SDK1: variants seen among roughly 807,000 people sequenced by gnomAD.
SDK1 encodes sidekick cell adhesion molecule 1.
Under a neutral mutation model 245.5 loss-of-function variants are expected in SDK1, and 157 were observed. The ratio of observed to expected loss-of-function variants is 0.64; its 90% CI spans 0.56 to 0.73. The LOEUF (loss-of-function observed/expected upper bound fraction) is 0.73. Among genes scored for constraint, SDK1 ranks in the 30% least tolerant of loss-of-function variants. The pLI, the probability that SDK1 is intolerant of heterozygous loss-of-function variation, is 0.00. For synonymous variants in SDK1, 1,647 were observed against 1,278.5 expected (o/e 1.29, Z -6.15); for missense variants, 3,583 against 3,002.3 (o/e 1.19, Z -4.52).
intron 1 of SDK1, among the ~76,000 whole-genome samples, chr7:3,613,845 G>C (rs531042097): frequency 2.0e-4 from 30 of 152,236 alleles, no homozygotes; most frequent in African/African-American, 6.7e-4. Context: ...TGGAGCTGGA[G>C]GCCATCATTA....
chr7:3,535,232 C>A (rs1245008352), intron 1 of SDK1, among the ~76,000 whole-genome samples: 2 of 152,090 alleles, frequency 1.3e-5, no homozygotes, highest in African/African-American at 2.4e-5. Flanking sequence ...GCCAAGATCA[C>A]ATCATTGCAC....
At chr7:3,313,385 G>A (rs530383819) in intron 1 of SDK1, among the ~76,000 whole-genome samples, 1 of 152,132 alleles carries the variant, frequency 6.6e-6, no homozygotes, top group Non-Finnish European at 1.5e-5. Context: ...CCAGCCTGGC[G>A]ACGGAGCGAG....
At chr7:3,544,257 A>G (rs1562552525) in intron 1 of SDK1, among the ~76,000 whole-genome samples, 3 of 152,240 alleles carry the variant, frequency 2.0e-5, no homozygotes, top group South Asian at 4.1e-4. Context: ...ACAGTTTATA[A>G]CTGCCAGAAT....
At chr7:3,640,639 G>C (rs556984555) in intron 3 of SDK1, among the ~76,000 whole-genome samples, 1 of 152,032 alleles carries the variant, frequency 6.6e-6, no homozygotes, top group Non-Finnish European at 1.5e-5. Context: ...ACTGAATTTT[G>C]CTTAATTATG....
At chr7:3,971,245 T>G (rs543569021) in intron 11 of SDK1, among the ~76,000 whole-genome samples, 2 of 152,200 alleles carry the variant, frequency 1.3e-5, no homozygotes, top group East Asian at 1.9e-4. Flanking sequence ...AAAGCTGATT[T>G]AGGAGGGGTG....
At chr7:3,668,275 C>T (rs1783597008) in intron 4 of SDK1, among the ~76,000 whole-genome samples, 1 of 152,136 alleles carries the variant, frequency 6.6e-6, no homozygotes, top group Admixed American at 6.5e-5. Context: ...AGGGTGGTTC[C>T]ACTGATGGCA....
At chr7:4,178,627 C>A (rs201151347) in intron 35 of SDK1, 41 bp downstream of exon 35, 1 of 1,445,464 alleles carries the variant, frequency 6.9e-7, no homozygotes, top group Non-Finnish European at 9.7e-7. Flanking sequence ...CAGAGAGGGC[C>A]ACAGTGGTGG....
intron 17 of SDK1, among the ~76,000 whole-genome samples, chr7:4,047,404 G>T (rs946957368): frequency 7.7e-6 from 1 of 129,078 alleles, no homozygotes; most frequent in Non-Finnish European, 1.5e-5. Flanking sequence ...CTAATATTTT[G>T]TTGAGGATTT....
At chr7:3,847,789 C>T (rs566744099) in intron 5 of SDK1, among the ~76,000 whole-genome samples, 53 of 152,310 alleles carry the variant, frequency 3.5e-4, no homozygotes, top group East Asian at 2.9e-3. Context: ...TGACATCATT[C>T]TTCTGAATGG....
intron 4 of SDK1, among the ~76,000 whole-genome samples, chr7:3,652,278 G>T (rs1002529524): frequency 4.6e-5 from 7 of 152,180 alleles, no homozygotes; most frequent in Non-Finnish European, 1.5e-5. Context: ...TGTATTAATG[G>T]AAGTTCTCCA....
intron 4 of SDK1, among the ~76,000 whole-genome samples, chr7:3,795,707 A>G (rs1271645497): frequency 1.3e-5 from 2 of 152,130 alleles, no homozygotes; most frequent in African/African-American, 4.8e-5. Context: ...ACCTGACTTA[A>G]AATGTGCCCT....
intron 19 of SDK1, among the ~76,000 whole-genome samples, chr7:4,054,192 C>T (rs528161952): frequency 6.6e-6 from 1 of 152,288 alleles, no homozygotes; most frequent in African/African-American, 2.4e-5. Context: ...CCGCACACCT[C>T]AGCCTCCCAA....
At chr7:3,545,184 G>T (rs1296745096) in intron 1 of SDK1, among the ~76,000 whole-genome samples, 2 of 152,042 alleles carry the variant, frequency 1.3e-5, no homozygotes, top group Non-Finnish European at 2.9e-5. Flanking sequence ...ACCTTTGCTG[G>T]GCTCATTTCC....
chr7:3,556,811 T>C (rs751617161), intron 1 of SDK1, among the ~76,000 whole-genome samples: 3 of 151,914 alleles, frequency 2.0e-5, no homozygotes, highest in Non-Finnish European at 4.4e-5. Context: ...TAAATAAAAA[T>C]AAAATAACTA....
chr7:3,946,684 C>A (rs1408762723), intron 5 of SDK1, among the ~76,000 whole-genome samples: 1 of 152,144 alleles, frequency 6.6e-6, no homozygotes, highest in Non-Finnish European at 1.5e-5. Flanking sequence ...TAAGGATACT[C>A]TAGCTAAGTG....
intron 5 of SDK1, among the ~76,000 whole-genome samples, chr7:3,852,023 C>G (rs938706639): frequency 2.6e-5 from 4 of 152,140 alleles, no homozygotes; most frequent in African/African-American, 9.7e-5. Flanking sequence ...TTGAGTTAAT[C>G]TTGGTGAACA....
chr7:3,940,839 AT>A (rs1583594789), intron 5 of SDK1, among the ~76,000 whole-genome samples: 1 of 152,026 alleles, frequency 6.6e-6, no homozygotes, highest in Admixed American at 6.5e-5. Context: ...AATTAAAAAA[AT>A]AAAGGTCAGT....
chr7:4,175,204 G>A (rs1048526776), intron 33 of SDK1, among the ~76,000 whole-genome samples: 8 of 152,224 alleles, frequency 5.3e-5, no homozygotes, highest in Admixed American at 1.3e-4. Context: ...GTTGATGAAT[G>A]TTGAAGACGG....
At chr7:3,960,634 G>C (rs1389200018) in intron 8 of SDK1, among the ~76,000 whole-genome samples, 1 of 152,178 alleles carries the variant, frequency 6.6e-6, no homozygotes, top group East Asian at 1.9e-4. Context: ...CCCGGGACTT[G>C]GTTCAGTAGG....
Sources: gnomAD v4.1 joint callset for allele counts (sites outside exome capture counted in the v4.1 genomes callset) on GRCh38, gnomAD v4.1.1 for gene constraint, MANE v1.5 for transcripts, NCBI Gene and HGNC (gene_info 2026-07-23, HGNC 2026-07-21) for gene names.